RYR3: variants seen among roughly 807,000 people sequenced by gnomAD.
RYR3 encodes ryanodine receptor 3, also known as brain ryanodine receptor-calcium release channel.
Under a neutral mutation model 584.3 loss-of-function variants are expected in RYR3, and 207 were observed. The observed-to-expected ratio is 0.35, with a 90% CI of 0.32 to 0.40. RYR3 has a LOEUF of 0.40. RYR3 is among the 10% of genes least tolerant of loss of function. The probability of loss-of-function intolerance (pLI) is 1.00; values close to 1 mark genes in which losing one functional copy is unlikely to be tolerated. For missense variants in RYR3, 5,616 were observed against 6,089.2 expected (o/e 0.92, Z 2.59); for synonymous variants, 2,416 against 2,248.5 (o/e 1.07, Z -2.11).
intron 1 of RYR3, among the ~76,000 whole-genome samples, chr15:33,337,724 A>G (rs1228699933): frequency 6.6e-6 from 1 of 152,172 alleles, no homozygotes; most frequent in African/African-American, 2.4e-5. Flanking sequence ...GTGAAGTTGA[A>G]TATACACATT....
At position 33,402,203 on chromosome 15, in the gene RYR3, G is replaced by A. The variant is rs1242299200; in HGVS notation, c.52-71216G>A. Among the ~76,000 whole-genome samples the A allele has an allele frequency of 2.6e-5, 4 of 152,124 alleles. No homozygotes were observed. In the East Asian group the frequency reaches 5.8e-4, roughly 22 times the overall value. The stretch of plus-strand genomic sequence containing the variant: ...AATTTTTGTACAAGACTATCCGGTA[G>A]GAAAGAAATTATAAGACACTAATAA... On this transcript the variant is annotated intron_variant, in intron 1 of 103. Coordinates refer to ENST00000634891, the MANE Select transcript of RYR3 (RefSeq NM_001036.6).
chr15:33,385,710 CTTTT>C lies in RYR3; in HGVS notation c.51+74622_51+74625del, dbSNP rs10682215. 8.3e-4 allele frequency among the ~76,000 whole-genome samples: 109 copies of C among 131,392 alleles called. 1 individual carries two copies. The highest frequency in any genetic ancestry group is 3.1e-3 in the African/African-American group (106 of 34,056). The allele number at this position is 131,392 out of a possible 152,430, so 86.2% of individuals were successfully genotyped here. On this transcript the variant is annotated intron_variant, in intron 1 of 103. Transcript: ENST00000634891. ...TTTTCTTTTTTTTTCTTTTTCTTTT[CTTTT>C]TTTTTTTGAGACAGGGTCTCACTCT...
At chr15:33,431,714 C>T (rs942906236) in intron 1 of RYR3, among the ~76,000 whole-genome samples, 1 of 151,990 alleles carries the variant, frequency 6.6e-6, no homozygotes, top group South Asian at 2.1e-4. Flanking sequence ...TGCAGTGAGC[C>T]GAGCATGCAC....
At chr15:33,538,483 CTTTG>C (rs1295496926) in intron 5 of RYR3, among the ~76,000 whole-genome samples, 1 of 152,160 alleles carries the variant, frequency 6.6e-6, no homozygotes, top group Non-Finnish European at 1.5e-5. Context: ...GACTCTACTT[CTTTG>C]TTTGACAATG....
At chr15:33,437,897 A>T (rs529626884) in intron 1 of RYR3, among the ~76,000 whole-genome samples, 2 of 152,156 alleles carry the variant, frequency 1.3e-5, no homozygotes, top group East Asian at 3.9e-4. Context: ...TATTTTTTAA[A>T]TTTTTTGTAG....
intron 37 of RYR3, among the ~76,000 whole-genome samples, chr15:33,669,701 A>C (rs2063699722): frequency 6.6e-6 from 1 of 152,202 alleles, no homozygotes; most frequent in Admixed American, 6.5e-5. Context: ...GAGAGGAAAC[A>C]GGGTTTCTAG....
chr15:33,470,709 G>T (rs1017113078), intron 1 of RYR3, among the ~76,000 whole-genome samples: 1 of 152,176 alleles, frequency 6.6e-6, no homozygotes, highest in Non-Finnish European at 1.5e-5. Context: ...GAAATCATTA[G>T]GTCCAACTGA....
chr15:33,656,311 G>C (rs148221134), intron 32 of RYR3, among the ~76,000 whole-genome samples: 1 of 152,218 alleles, frequency 6.6e-6, no homozygotes, highest in Admixed American at 6.5e-5. Context: ...GGCTGGTTGC[G>C]CAATCCATGG....
chr15:33,598,074 G>T (rs2059462169), intron 16 of RYR3, among the ~76,000 whole-genome samples: 1 of 151,698 alleles, frequency 6.6e-6, no homozygotes, highest in Non-Finnish European at 1.5e-5. Context: ...AAGTCTGGTG[G>T]TGCTAGAGGG....
At chr15:33,342,486 A>ATTGACT (rs958471714) in intron 1 of RYR3, among the ~76,000 whole-genome samples, 32 of 152,282 alleles carry the variant, frequency 2.1e-4, no homozygotes, top group African/African-American at 7.7e-4. Flanking sequence ...ATTTATATCT[A>ATTGACT]TTGACTAAGT....
In RYR3 at chr15:33,771,929, G is replaced by T. The variant is rs1220426515; in HGVS notation, c.8826G>T (p.Met2942Ile). Residue 2942 changes from methionine (M) to isoleucine (I), a missense_variant, in exon 63 of 104, where the codon ATG becomes ATT. By Grantham distance (10) the Met-to-Ile change is conservative. This residue lies in a region of RYR3 where 1,280 missense variants were observed against 1,426.2 expected (regional missense o/e 0.90). Transcript: ENST00000634891. ...CATTGTTTGCTTGCAGGACTGTCAT[G>T]AAGTCAGGCTCAGAGCTGGTGAAGG... The part of the protein sequence containing the change: ...LAQTLDTRTV[M>I]KSGSELVKAG... 6.2e-7 allele frequency: 1 copy of T among 1,610,584 alleles called. No homozygotes were observed. Among genetic ancestry groups the T allele is most frequent in the Non-Finnish European group, 8.5e-7 (1 of 1,178,046 alleles).
chr15:33,501,551 C>T (rs1418919373), intron 2 of RYR3, among the ~76,000 whole-genome samples: 1 of 152,156 alleles, frequency 6.6e-6, no homozygotes, highest in Non-Finnish European at 1.5e-5. Flanking sequence ...ATCTCCAAAT[C>T]ATTCATTCTG....
chr15:33,744,935 T>C (rs1176152553), intron 52 of RYR3, among the ~76,000 whole-genome samples: 1 of 152,192 alleles, frequency 6.6e-6, no homozygotes, highest in Non-Finnish European at 1.5e-5. Flanking sequence ...ATTGTGATTT[T>C]TGACTATCCC....
chr15:33,722,717 G>A lies in RYR3; in HGVS notation c.6622G>A (p.Glu2208Lys), dbSNP rs1158741411. ...GAAACAGTGCCTGTCTTCCTCAGGT[G>A]AGAGTGTGGAAGAAAACGCCAGCGT... Reference protein sequence around the residue: ...FLRFAVFVNSESVEENASVVV... With the variant: ...FLRFAVFVNSKSVEENASVVV... Residue 2208 changes from glutamate (E) to lysine (K), a missense_variant and splice_region_variant, in exon 44 of 104, where the codon GAG (glutamate) becomes AAG (lysine). Transcript: ENST00000634891. The A allele has an allele frequency of 6.2e-7, 1 of 1,611,634 alleles. No homozygotes were observed. Among genetic ancestry groups the A allele is most frequent in the African/African-American group, 1.3e-5 (1 of 74,904 alleles).
chr15:33,559,942 C>G (rs2057312912), intron 10 of RYR3, among the ~76,000 whole-genome samples: 1 of 152,162 alleles, frequency 6.6e-6, no homozygotes, highest in African/African-American at 2.4e-5. Flanking sequence ...AATAGAAGTA[C>G]TCTTAGTCCA....
chr15:33,687,717 A>G (rs899294856), intron 38 of RYR3, among the ~76,000 whole-genome samples: 8 of 152,240 alleles, frequency 5.3e-5, no homozygotes, highest in Non-Finnish European at 7.3e-5. Context: ...AAACAGATAT[A>G]TAGACCAATG....
At chr15:33,526,679 A>G (rs1488511328) in intron 3 of RYR3, among the ~76,000 whole-genome samples, 3 of 151,734 alleles carry the variant, frequency 2.0e-5, no homozygotes, top group African/African-American at 7.3e-5. Flanking sequence ...AAACCAAAAC[A>G]CCACCTCCCC....
intron 1 of RYR3, among the ~76,000 whole-genome samples, chr15:33,404,868 G>A (rs1295196602): frequency 6.6e-6 from 1 of 152,068 alleles, no homozygotes; most frequent in Non-Finnish European, 1.5e-5. Flanking sequence ...CAGATGTCAA[G>A]TATTTTAGGG....
chr15:33,573,619 T>A (rs1445046292), intron 12 of RYR3, among the ~76,000 whole-genome samples: 5 of 152,210 alleles, frequency 3.3e-5, no homozygotes, highest in Non-Finnish European at 7.3e-5. Flanking sequence ...TAAATCATTA[T>A]GTTATGATAA....
Sources: allele counts gnomAD v4.1 joint callset (sites outside exome capture counted in the v4.1 genomes callset), GRCh38; gene constraint gnomAD v4.1.1; regional missense constraint gnomAD v4.1.1; transcripts MANE v1.5; gene names NCBI Gene and HGNC (gene_info 2026-07-23, HGNC 2026-07-21).